SYTL5: variants seen among roughly 807,000 people sequenced by gnomAD.
SYTL5 encodes synaptotagmin-like protein 5.
SYTL5 carries 34 observed loss-of-function variants against 55.9 expected under a neutral mutation model. That is an observed-to-expected ratio of 0.61 (90% CI 0.46 to 0.81). The LOEUF (loss-of-function observed/expected upper bound fraction) is 0.81. Ranked by LOEUF, SYTL5 falls within the 30% of genes least tolerant of loss-of-function variation. The pLI, the probability that SYTL5 is intolerant of heterozygous loss-of-function variation, is 0.00. For synonymous variants in SYTL5, 221 were observed against 188.7 expected (o/e 1.17, Z -1.40); for missense variants, 637 against 546.7 (o/e 1.17, Z -1.65).
chrX:38,083,774 ATGTGTGTG>A (rs3068306), intron 6 of SYTL5, among the ~76,000 whole-genome samples: 27 of 94,327 alleles, frequency 2.9e-4, no homozygotes, highest in East Asian at 6.6e-4. Flanking sequence ...AAATAGACTC[ATGTGTGTG>A]TGTGTGTGTG....
the SYTL5 span, among the ~76,000 whole-genome samples, chrX:37,937,103 T>A: frequency 9.2e-6 from 1 of 108,413 alleles, no homozygotes; most frequent in Non-Finnish European, 1.9e-5. Context: ...TTCTAGAAAT[T>A]CTCCCCATGA....
At chrX:38,075,616 C>A (rs1481566824) in intron 5 of SYTL5, among the ~76,000 whole-genome samples, 1 of 111,406 alleles carries the variant, frequency 9.0e-6, no homozygotes, top group African/African-American at 3.3e-5. Flanking sequence ...GAGCAGCATA[C>A]CTTGACATTA....
At chrX:38,115,848 A>G (rs1486009952) in intron 13 of SYTL5, among the ~76,000 whole-genome samples, 1 of 112,153 alleles carries the variant, frequency 8.9e-6, no homozygotes, top group Admixed American at 9.4e-5. Context: ...CTTAAACTAT[A>G]TCAGATGTAT....
chrX:38,059,031 A>G (rs982848325), intron 3 of SYTL5, among the ~76,000 whole-genome samples: 3 of 111,505 alleles, frequency 2.7e-5, no homozygotes, highest in African/African-American at 6.5e-5. Flanking sequence ...TGTCTGACCT[A>G]TATTTCAGTT....
At chrX:38,020,723 C>T (rs1341110033) in intron 1 of SYTL5, among the ~76,000 whole-genome samples, 1 of 109,525 alleles carries the variant, frequency 9.1e-6, no homozygotes, top group Non-Finnish European at 1.9e-5. Context: ...ATTTTAATGA[C>T]GTATTGCTTA....
chrX:37,986,355 T>C, the SYTL5 span, among the ~76,000 whole-genome samples: 2 of 111,075 alleles, frequency 1.8e-5, no homozygotes, highest in Non-Finnish European at 3.8e-5. Context: ...GGGTCGTGAT[T>C]GACTGACCAA....
the SYTL5 span, among the ~76,000 whole-genome samples, chrX:37,947,138 G>T: frequency 1.8e-5 from 2 of 110,857 alleles, no homozygotes; most frequent in Non-Finnish European, 3.8e-5. Flanking sequence ...CAAATTGATT[G>T]TCTTCATATT....
chrX:38,046,661 A>T (rs989243616), intron 2 of SYTL5, among the ~76,000 whole-genome samples: 1 of 111,465 alleles, frequency 9.0e-6, no homozygotes, highest in African/African-American at 3.3e-5. Context: ...TTTCAAAACC[A>T]ATCATGCCTT....
At chrX:37,963,446 G>A in the SYTL5 span, among the ~76,000 whole-genome samples, 2 of 110,241 alleles carry the variant, frequency 1.8e-5, no homozygotes, top group South Asian at 3.9e-4. Flanking sequence ...GTGCCAACAC[G>A]CCCGGCTTAT....
At chrX:38,029,299 T>C in intron 1 of SYTL5, among the ~76,000 whole-genome samples, 1 of 112,358 alleles carries the variant, frequency 8.9e-6, no homozygotes, top group Middle Eastern at 4.6e-3. Flanking sequence ...TCCTTTAAAC[T>C]TTTAGGCAAA....
At chrX:38,046,139 A>G (rs1297944750) in intron 2 of SYTL5, among the ~76,000 whole-genome samples, 1 of 111,681 alleles carries the variant, frequency 9.0e-6, no homozygotes, top group African/African-American at 3.3e-5. Flanking sequence ...TGACCTCCTT[A>G]TTTAATAGCC....
chrX:37,982,832 A>G, the SYTL5 span, among the ~76,000 whole-genome samples: 1 of 111,319 alleles, frequency 9.0e-6, no homozygotes, highest in East Asian at 2.8e-4. Context: ...CTTCTTTCCA[A>G]TACATAAAAT....
At chrX:37,997,320 C>T in the SYTL5 span, among the ~76,000 whole-genome samples, 2 of 112,097 alleles carry the variant, frequency 1.8e-5, no homozygotes, top group South Asian at 3.7e-4. Context: ...CGCAGCTGCC[C>T]GAGCGGTGGT....
the SYTL5 span, among the ~76,000 whole-genome samples, chrX:37,941,513 A>G: frequency 2.6e-3 from 154 of 59,049 alleles, no homozygotes; most frequent in South Asian, 0.06. Flanking sequence ...TGCTGCAAAA[A>G]CCTGCTACTA....
At chrX:37,944,069 G>A in the SYTL5 span, among the ~76,000 whole-genome samples, 17 of 110,519 alleles carry the variant, frequency 1.5e-4, no homozygotes, top group Non-Finnish European at 2.8e-4. Context: ...TATATGTCAA[G>A]CAGAAGCCTC....
At chrX:37,982,396 A>G in the SYTL5 span, among the ~76,000 whole-genome samples, 2 of 112,115 alleles carry the variant, frequency 1.8e-5, no homozygotes, top group Non-Finnish European at 3.8e-5. Flanking sequence ...AGAAAGAAAA[A>G]AAGAATTTAA....
the SYTL5 span, among the ~76,000 whole-genome samples, chrX:37,947,544 T>TAA: frequency 1.2e-3 from 139 of 112,202 alleles, no homozygotes; most frequent in Admixed American, 1.7e-3. Context: ...GTGAGTCATG[T>TAA]AAACCTCTTT....
At chrX:37,929,761 G>A in the SYTL5 span, among the ~76,000 whole-genome samples, 9 of 112,170 alleles carry the variant, frequency 8.0e-5, no homozygotes, top group Admixed American at 5.7e-4. Flanking sequence ...TGGAATGCCA[G>A]AGTTGCTTAT....
At chrX:38,096,524 T>G (rs1012841012) in intron 9 of SYTL5, among the ~76,000 whole-genome samples, 32 of 111,327 alleles carry the variant, frequency 2.9e-4, no homozygotes, top group African/African-American at 1.0e-3. Flanking sequence ...AAATGAGAGA[T>G]CCTAACATTT....
Sources: gnomAD v4.1 joint callset for allele counts (sites outside exome capture counted in the v4.1 genomes callset) on GRCh38, gnomAD v4.1.1 for gene constraint, MANE v1.5 for transcripts, NCBI Gene and HGNC (gene_info 2026-07-23, HGNC 2026-07-21) for gene names.